Variants in RGS9BP observed in about 807,000 individuals in gnomAD.
RGS9BP encodes regulator of G protein signaling 9 binding protein.
RGS9BP carries 1 observed loss-of-function variant against 3.8 expected under a neutral mutation model. The observed-to-expected ratio is 0.26, with a 90% CI of 0.09 to 1.24. The LOEUF (loss-of-function observed/expected upper bound fraction) is 1.24. Ranked by LOEUF, RGS9BP falls within the 50% of genes most tolerant of loss-of-function variation. The pLI is 0.48. For synonymous variants in RGS9BP, 200 were observed against 177.8 expected (o/e 1.13, Z -1.00); for missense variants, 363 against 344.3 (o/e 1.05, Z -0.43).
rs1232572487 is a variant in RGS9BP, at chr19:32,677,939, G to T, written c.*968G>T. 1 of 167,152 alleles carries T rather than the reference G, an allele frequency of 6.0e-6. No homozygotes were observed. The highest frequency in any genetic ancestry group is 1.5e-5 in the Non-Finnish European group (1 of 68,174). 10.4% of individuals were successfully genotyped at this position (167,152 alleles called of 1,614,324 possible). ...GAATGTGCGTGCTGGCCAGTAGGAG[G>T]GCTGGCTTTGGCAGCTCCCTGACCC... On this transcript the variant is annotated 3_prime_UTR_variant, in exon 1 of 1. Transcript: ENST00000334176.
chr19:32,676,317 G>C lies in RGS9BP; in HGVS notation c.54G>C (p.Ala18=). The change falls in exon 1 of 1, where the codon GCG becomes GCC. Residue 18 remains alanine (A), a synonymous_variant. Transcript: ENST00000334176. The part of the protein sequence containing the change: ...ALLDGLNKTT[A]CYHHLVLTVG... The stretch of plus-strand genomic sequence containing the variant: ...TGGACGGGCTCAACAAGACGACTGC[G>C]TGCTACCACCACCTGGTGCTGACCG... The C allele has an allele frequency of 6.2e-7, 1 of 1,610,048 alleles. No individual in the cohort carries two copies. Among genetic ancestry groups the C allele is most frequent in the Non-Finnish European group, 8.5e-7 (1 of 1,178,244 alleles).
chr19:32,676,488 C>A lies in RGS9BP; in HGVS notation c.225C>A (p.Phe75Leu). The A allele has an allele frequency of 6.5e-7, 1 of 1,550,186 alleles. No individual in the cohort carries two copies. The change falls in exon 1 of 1, where the codon TTC (phenylalanine) becomes TTA (leucine). Residue 75 changes from phenylalanine (F) to leucine (L), a missense_variant. Phe to Leu is a conservative substitution (Grantham distance 22, BLOSUM62 0). Transcript: ENST00000334176. ...TGGCCGCCGACGAGCGCGCCGAGTT[C>A]GAGCGGCTCTGGGTGGCCTTCTCGG... ...RGLAADERAEFERLWVAFSGC... is the reference protein window; with the variant it reads ...RGLAADERAELERLWVAFSGC...
In RGS9BP at chr19:32,676,540, A is replaced by G; in HGVS notation, c.277A>G (p.Met93Val). Residue 93 changes from methionine (M) to valine (V), a missense_variant, in exon 1 of 1, where the codon ATG becomes GTG. Met to Val is a conservative substitution (Grantham distance 21). Coordinates refer to ENST00000334176, the MANE Select transcript of RGS9BP (RefSeq NM_207391.3). ...SGCLDLLEAD[M>V]RRALELGAAF... ...CTGCCTGGACCTGCTGGAAGCGGACATGCGACGCGCGCTGGAGCTGGGCGC... is the reference window on the plus strand; with the variant it reads ...CTGCCTGGACCTGCTGGAAGCGGACGTGCGACGCGCGCTGGAGCTGGGCGC... The G allele has an allele frequency of 2.0e-6, 3 of 1,489,632 alleles. No individual in the cohort carries two copies. Among genetic ancestry groups the G allele is most frequent in the South Asian group, 2.5e-5 (2 of 78,612 alleles). 92.3% of individuals were successfully genotyped at this position (1,489,632 alleles called of 1,614,324 possible).
chr19:32,676,096 T>A lies in RGS9BP; in HGVS notation c.-168T>A. 2 of 553,520 alleles carry A rather than the reference T, an allele frequency of 3.6e-6. No homozygotes were observed. The highest frequency in any genetic ancestry group is 6.3e-6 in the Non-Finnish European group (2 of 318,768). The allele number at this position is 553,520 out of a possible 1,614,324, so 34.3% of individuals were successfully genotyped here. A position where few individuals can be genotyped will look rare whatever the true frequency, so the allele number is the denominator to read the frequency against. ...CGTCCGCAGAGGCGCACGTCGAGGG[T>A]CCCGGGCGGGCTCCGTGGACGTTGG... On this transcript the variant is annotated 5_prime_UTR_variant, in exon 1 of 1. Coordinates refer to ENST00000334176, the MANE Select transcript of RGS9BP (RefSeq NM_207391.3).
rs182291720 is a variant in RGS9BP, at chr19:32,676,209, G to A, written c.-55G>A. 4.0e-3 allele frequency: 5,203 copies of A among 1,302,998 alleles called. 15 individuals carry two copies. The highest frequency in any genetic ancestry group is 5.1e-3 in the Non-Finnish European group (4,762 of 936,730). The allele number at this position is 1,302,998 out of a possible 1,614,324, so 80.7% of individuals were successfully genotyped here. On this transcript the variant is annotated 5_prime_UTR_variant, in exon 1 of 1. Transcript: ENST00000334176. ...ATGGGGGTTAGCCACATCCTGCCGCGCTGAGGGGGAGGCTAACGGGCGCGG... is the reference window on the plus strand; with the variant it reads ...ATGGGGGTTAGCCACATCCTGCCGCACTGAGGGGGAGGCTAACGGGCGCGG...
rs1422422783 is a variant in RGS9BP at position 32,676,606 on chromosome 19, A to G, written c.343A>G (p.Thr115Ala). 18 of 1,516,012 alleles carry G rather than the reference A, an allele frequency of 1.2e-5. No homozygotes were observed. Among genetic ancestry groups the G allele is most frequent in the Non-Finnish European group, 1.4e-5 (16 of 1,138,752 alleles). 93.9% of individuals were successfully genotyped at this position (1,516,012 alleles called of 1,614,324 possible). A position where few individuals can be genotyped will look rare whatever the true frequency, so the allele number is the denominator to read the frequency against. The change falls in exon 1 of 1, where the codon ACA becomes GCA. Residue 115 changes from threonine (T) to alanine (A), a missense_variant. Transcript: ENST00000334176. ...CGCGCCGCGGCGGCCGCTGGTGCGC[A>G]CAGGTGTGGCTGGCGCCTCCTCCGG... ...LHAPRRPLVR[T>A]GVAGASSGVA...
chr19:32,676,882 G>T lies in RGS9BP; in HGVS notation c.619G>T (p.Asp207Tyr). ...CTTGCAGGAGCGCGGGGGGGGTTGCGACCCCAGGAAGGCCCTGGCCGCCAT... is the reference window on the plus strand; with the variant it reads ...CTTGCAGGAGCGCGGGGGGGGTTGCTACCCCAGGAAGGCCCTGGCCGCCAT... ...VSLQERGGGC[D>Y]PRKALAAILF... The change falls in exon 1 of 1, where the codon GAC becomes TAC. Residue 207 changes from aspartate to tyrosine, a missense_variant. Physicochemically the swap from Asp to Tyr is radical, Grantham distance 160. Coordinates refer to ENST00000334176, the MANE Select transcript of RGS9BP (RefSeq NM_207391.3). 1 of 1,595,746 alleles carries T rather than the reference G, an allele frequency of 6.3e-7. No individual in the cohort carries two copies.
chr19:32,677,330 C>T lies in RGS9BP; in HGVS notation c.*359C>T, dbSNP rs1437685518. 3.8e-6 allele frequency: 1 copy of T among 262,800 alleles called. No homozygotes were observed. The highest frequency in any genetic ancestry group is 7.9e-6 in the Non-Finnish European group (1 of 127,384). The allele number at this position is 262,800 out of a possible 1,614,324, so 16.3% of individuals were successfully genotyped here. A position where few individuals can be genotyped will look rare whatever the true frequency, so the allele number is the denominator to read the frequency against. On this transcript the variant is annotated 3_prime_UTR_variant, in exon 1 of 1. Transcript: ENST00000334176. ...GTTCGGTGCCCACCCCTGCCAGCGT[C>T]GCCCCCTTTCTGCGTGGGACAGTTT...
In RGS9BP at chr19:32,675,854, G is replaced by A. The variant is rs1006527570; in HGVS notation, c.-410G>A. On this transcript the variant is annotated 5_prime_UTR_variant, in exon 1 of 1. Transcript: ENST00000334176. Reference sequence around the variant, plus strand: ...GGGCGGGTCCTAGGAAACCCTACCCGGCCGCCCTTGGCAGCGCCTAAGGCG... The same window carrying A: ...GGGCGGGTCCTAGGAAACCCTACCCAGCCGCCCTTGGCAGCGCCTAAGGCG... 6.0e-6 allele frequency: 1 copy of A among 167,308 alleles called. No individual in the cohort carries two copies. 10.4% of individuals were successfully genotyped at this position (167,308 alleles called of 1,614,324 possible). A position where few individuals can be genotyped will look rare whatever the true frequency, so the allele number is the denominator to read the frequency against.
chr19:32,676,259 C>G lies in RGS9BP; in HGVS notation c.-5C>G. The G allele has an allele frequency of 1.9e-6, 3 of 1,575,700 alleles. No homozygotes were observed. Among genetic ancestry groups the G allele is most frequent in the Non-Finnish European group, 2.6e-6 (3 of 1,156,958 alleles). On this transcript the variant is annotated 5_prime_UTR_variant, in exon 1 of 1. Coordinates refer to ENST00000334176, the MANE Select transcript of RGS9BP (RefSeq NM_207391.3). The stretch of plus-strand genomic sequence containing the variant: ...GGCGGCCGGGCCCAGCCGGAGCCCA[C>G]CGCGATGGCGAGGGAGGAGTGCAAG...
Position 32,676,581 on chromosome 19 carries a change from C to A in RGS9BP, c.318C>A (p.His106Gln). The A allele has an allele frequency of 2.1e-6, 3 of 1,400,064 alleles. No homozygotes were observed. The highest frequency in any genetic ancestry group is 1.6e-5 in the South Asian group (1 of 61,796). The allele number at this position is 1,400,064 out of a possible 1,614,324, so 86.7% of individuals were successfully genotyped here. A position where few individuals can be genotyped will look rare whatever the true frequency, so the allele number is the denominator to read the frequency against. ...ALELGAAFPLHAPRRPLVRTG... is the reference protein window; with the variant it reads ...ALELGAAFPLQAPRRPLVRTG... ...AGCTGGGCGCCGCGTTCCCGCTGCACGCGCCGCGGCGGCCGCTGGTGCGCA... is the reference window on the plus strand; with the variant it reads ...AGCTGGGCGCCGCGTTCCCGCTGCAAGCGCCGCGGCGGCCGCTGGTGCGCA... Residue 106 changes from histidine to glutamine, a missense_variant, in exon 1 of 1, where the codon CAC becomes CAA. By Grantham distance (24) the His-to-Gln change is conservative. Coordinates refer to ENST00000334176, the MANE Select transcript of RGS9BP (RefSeq NM_207391.3).
At position 32,676,403 on chromosome 19, in the gene RGS9BP, C is replaced by G; in HGVS notation, c.140C>G (p.Ala47Gly). The G allele has an allele frequency of 6.2e-7, 1 of 1,607,482 alleles. No individual in the cohort carries two copies. The change falls in exon 1 of 1, where the codon GCG becomes GGG. Residue 47 changes from alanine to glycine, a missense_variant. By Grantham distance (60) the Ala-to-Gly change is moderately conservative. Coordinates refer to ENST00000334176, the MANE Select transcript of RGS9BP (RefSeq NM_207391.3). The stretch of plus-strand genomic sequence containing the variant: ...GAGCTGCAAAAGACGCGCCAGAAGG[C>G]GCAGGAGCTGGCGGTGTCCACCTGC... Reference protein sequence around the residue: ...RQELQKTRQKAQELAVSTCAR... With the variant: ...RQELQKTRQKGQELAVSTCAR...
Position 32,676,398 on chromosome 19 carries a change from G to T in RGS9BP, c.135G>T (p.Gln45His). 1 of 1,608,360 alleles carries T rather than the reference G, an allele frequency of 6.2e-7. No individual in the cohort carries two copies. ...GGCAGGAGCTGCAAAAGACGCGCCA[G>T]AAGGCGCAGGAGCTGGCGGTGTCCA... ...NLRQELQKTR[Q>H]KAQELAVSTC... is the part of the protein sequence containing the mutation. Residue 45 changes from glutamine (Q) to histidine (H), a missense_variant, in exon 1 of 1, where the codon CAG (glutamine) becomes CAT (histidine). Physicochemically the swap from Gln to His is conservative, Grantham distance 24. Coordinates refer to ENST00000334176, the MANE Select transcript of RGS9BP (RefSeq NM_207391.3).
Position 32,678,097 on chromosome 19 carries a change from A to C in RGS9BP, c.*1126A>C, listed in dbSNP as rs259294. 0.66 allele frequency: 109,980 copies of C among 166,960 alleles called. 36,811 individuals carry two copies. Among genetic ancestry groups the C allele is most frequent in the Non-Finnish European group, 0.71 (48,446 of 68,070 alleles). The allele number at this position is 166,960 out of a possible 1,614,324, so 10.3% of individuals were successfully genotyped here. Reference sequence around the variant, plus strand: ...TAAGAAGCTTTTAAAAGGTAATAATACTCTGAAAGAAAAATGACGTAACCA... The same window carrying C: ...TAAGAAGCTTTTAAAAGGTAATAATCCTCTGAAAGAAAAATGACGTAACCA... On this transcript the variant is annotated 3_prime_UTR_variant, in exon 1 of 1. Transcript: ENST00000334176.
chr19:32,676,447 C>T lies in RGS9BP; in HGVS notation c.184C>T (p.Leu62=). The T allele has an allele frequency of 6.3e-7, 1 of 1,584,396 alleles. No individual in the cohort carries two copies. The highest frequency in any genetic ancestry group is 8.5e-7 in the Non-Finnish European group (1 of 1,170,876). The change falls in exon 1 of 1, where the codon CTG becomes TTG. Residue 62 remains leucine, a synonymous_variant. Transcript: ENST00000334176. Reference sequence around the variant, plus strand: ...CACCTGCGCCCGGCTGACTGCTGTGCTGCGCGACCGGGGCCTGGCCGCCGA... The same window carrying T: ...CACCTGCGCCCGGCTGACTGCTGTGTTGCGCGACCGGGGCCTGGCCGCCGA... ...VSTCARLTAV[L]RDRGLAADER...
Position 32,676,185 on chromosome 19 carries a change from T to G in RGS9BP, c.-79T>G. 16 of 962,956 alleles carry G rather than the reference T, an allele frequency of 1.7e-5. No individual in the cohort carries two copies. Among genetic ancestry groups the G allele is most frequent in the Non-Finnish European group, 2.4e-5 (16 of 654,490 alleles). The allele number at this position is 962,956 out of a possible 1,614,324, so 59.7% of individuals were successfully genotyped here. Reference sequence around the variant, plus strand: ...CGTGCCGCGCGGCCCAAGGCCGGGATGGGGGTTAGCCACATCCTGCCGCGC... The same window carrying G: ...CGTGCCGCGCGGCCCAAGGCCGGGAGGGGGGTTAGCCACATCCTGCCGCGC... On this transcript the variant is annotated 5_prime_UTR_variant, in exon 1 of 1. It removes an upstream start codon present in the reference 5' UTR. Transcript: ENST00000334176.
rs1250573455 is a variant in RGS9BP, at chr19:32,677,984, G to A, written c.*1013G>A. ...TGACCCCCGCGCTGCCCGCCCCTCC[G>A]GGGTAATGTGGCATTACTGGCCCAC... On this transcript the variant is annotated 3_prime_UTR_variant, in exon 1 of 1. Coordinates refer to ENST00000334176, the MANE Select transcript of RGS9BP (RefSeq NM_207391.3). 6 of 167,110 alleles carry A rather than the reference G, an allele frequency of 3.6e-5. No individual in the cohort carries two copies. Among genetic ancestry groups the A allele is most frequent in the Admixed American group, 1.3e-4 (2 of 15,294 alleles). 10.4% of individuals were successfully genotyped at this position (167,110 alleles called of 1,614,324 possible).
At position 32,676,492 on chromosome 19, in the gene RGS9BP, C is replaced by T; in HGVS notation, c.229C>T (p.Arg77Trp). ...LAADERAEFE[R>W]LWVAFSGCLD... is the part of the protein sequence containing the mutation. ...CGCCGACGAGCGCGCCGAGTTCGAG[C>T]GGCTCTGGGTGGCCTTCTCGGGCTG... The change falls in exon 1 of 1, where the codon CGG (arginine) becomes TGG (tryptophan). Residue 77 changes from arginine to tryptophan, a missense_variant. Physicochemically the swap from Arg to Trp is moderately radical, Grantham distance 101. Coordinates refer to ENST00000334176, the MANE Select transcript of RGS9BP (RefSeq NM_207391.3). 6.5e-7 allele frequency: 1 copy of T among 1,547,994 alleles called. No homozygotes were observed. The highest frequency in any genetic ancestry group is 8.7e-7 in the Non-Finnish European group (1 of 1,153,510).
In RGS9BP at chr19:32,676,116, C is replaced by T. The variant is rs1041985057; in HGVS notation, c.-148C>T. 4 of 580,856 alleles carry T rather than the reference C, an allele frequency of 6.9e-6. No individual in the cohort carries two copies. Among genetic ancestry groups the T allele is most frequent in the Admixed American group, 6.8e-5 (2 of 29,204 alleles). 36.0% of individuals were successfully genotyped at this position (580,856 alleles called of 1,614,324 possible). On this transcript the variant is annotated 5_prime_UTR_variant, in exon 1 of 1. In the 5' UTR this introduces an upstream ATG that the reference lacks. Coordinates refer to ENST00000334176, the MANE Select transcript of RGS9BP (RefSeq NM_207391.3). ...GAGGGTCCCGGGCGGGCTCCGTGGA[C>T]GTTGGCGGTAGCGCCGAGCGAGTCA...
Sources: allele counts gnomAD v4.1 joint callset, GRCh38; gene constraint gnomAD v4.1.1; transcripts MANE v1.5; gene names NCBI Gene and HGNC (gene_info 2026-07-23, HGNC 2026-07-21).